The following SERPINE3 variants were observed in gnomAD, a reference collection of about 807,000 sequenced individuals.
SERPINE3 encodes the protein serpin family E member 3.
SERPINE3 carries 43 observed loss-of-function variants against 41.7 expected under a neutral mutation model. The ratio of observed to expected loss-of-function variants is 1.03; its 90% CI spans 0.81 to 1.33. The LOEUF (loss-of-function observed/expected upper bound fraction) is 1.33. SERPINE3 is among the 40% of genes most tolerant of loss of function. The pLI is 0.00. For missense variants in SERPINE3, 440 were observed against 491.7 expected (o/e 0.89, Z 0.99); for synonymous variants, 200 against 192.2 (o/e 1.04, Z -0.34).
chr13:51,345,563 C>T (rs1268023167), intron 4 of SERPINE3, among the ~76,000 whole-genome samples: 1 of 141,556 alleles, frequency 7.1e-6, no homozygotes, highest in Non-Finnish European at 1.5e-5. Flanking sequence ...TCACTGCACT[C>T]CAGCTTGGGC....
chr13:51,341,060 C>T lies in SERPINE3; in HGVS notation c.-17-15C>T. 1 of 1,605,942 alleles carries T rather than the reference C, an allele frequency of 6.2e-7. No homozygotes were observed. Among genetic ancestry groups the T allele is most frequent in the Non-Finnish European group, 8.5e-7 (1 of 1,175,240 alleles). On this transcript the variant is annotated splice_polypyrimidine_tract_variant and intron_variant, in intron 2 of 9. Coordinates refer to ENST00000681248, the MANE Select transcript of SERPINE3 (RefSeq NM_001386375.1). The stretch of plus-strand genomic sequence containing the variant: ...GCTTCCAGCCTACCCTGCATCTCTT[C>T]CCTCTGAATTGCAGGAACCCTCCCA...
chr13:51,348,848 G>GTCCCCCCATGACC (rs1439076333), intron 6 of SERPINE3, among the ~76,000 whole-genome samples: 14 of 150,402 alleles, frequency 9.3e-5, no homozygotes, highest in East Asian at 3.9e-4. Flanking sequence ...ACGTAATTGA[G>GTCCCCCCATGACC]CAAGTACAGA....
At chr13:51,357,673 C>A (rs151183359) in intron 7 of SERPINE3, among the ~76,000 whole-genome samples, 31 of 152,112 alleles carry the variant, frequency 2.0e-4, no homozygotes, top group African/African-American at 7.0e-4. Context: ...TAGTTCCCCC[C>A]CAGTCTCCTT....
intron 3 of SERPINE3, 52 bp downstream of exon 3, chr13:51,341,399 ACT>A (rs1406117438): frequency 2.1e-5 from 32 of 1,494,878 alleles, no homozygotes; most frequent in Non-Finnish European, 2.6e-5. Flanking sequence ...TCACACTCAC[ACT>A]CTCTCCAGCT....
intron 6 of SERPINE3, chr13:51,353,965 ATAAAATT>A (rs2137801410): frequency 6.6e-6 from 1 of 152,310 alleles, no homozygotes; most frequent in Admixed American, 6.5e-5. Flanking sequence ...CTGGGGAAAT[ATAAAATT>A]GGTGTAGTGA....
chr13:51,355,409 C>T (rs1026515578), intron 7 of SERPINE3, among the ~76,000 whole-genome samples: 5 of 152,102 alleles, frequency 3.3e-5, no homozygotes, highest in African/African-American at 1.2e-4. Context: ...AGTAAACAGA[C>T]CCTCCCTCTA....
At chr13:51,358,846 C>T (rs1006112293) in intron 7 of SERPINE3, among the ~76,000 whole-genome samples, 2 of 151,898 alleles carry the variant, frequency 1.3e-5, no homozygotes, top group African/African-American at 4.8e-5. Context: ...TAGGAGCAAG[C>T]GAGTTTATGG....
intron 7 of SERPINE3, among the ~76,000 whole-genome samples, chr13:51,358,063 C>A (rs945118864): frequency 6.6e-6 from 1 of 151,956 alleles, no homozygotes; most frequent in Non-Finnish European, 1.5e-5. Context: ...CTAGAGGAGA[C>A]AAATGGAGAA....
At position 51,361,842 on chromosome 13, in the gene SERPINE3, A is replaced by G. The variant is rs758968136; in HGVS notation, c.1120A>G (p.Ile374Val). 1 of 1,610,544 alleles carries G rather than the reference A, an allele frequency of 6.2e-7. No individual in the cohort carries two copies. Among genetic ancestry groups the G allele is most frequent in the Non-Finnish European group, 8.5e-7 (1 of 1,178,380 alleles). Residue 374 changes from isoleucine (I) to valine (V), a missense_variant, in exon 9 of 10, where the codon ATT (isoleucine) becomes GTT (valine). Ile to Val is a conservative substitution (Grantham distance 29). Coordinates refer to ENST00000681248, the MANE Select transcript of SERPINE3 (RefSeq NM_001386375.1). ...LLLLKRSRIP[I>V]FKADRPFIYF... ...GTTATTGAAAAGGTCTCGGATTCCT[A>G]TTTTTAAAGCAGATCGGCCATTCAT...
Position 51,345,991 on chromosome 13 carries a change from G to A in SERPINE3, c.491-1034G>A, listed in dbSNP as rs1299285568. ...TCCACATTGCATTGGGTAACTGGGT[G>A]GATGGTGGCTTCACCCCTCATAAGT... On this transcript the variant is annotated intron_variant, in intron 4 of 9. Coordinates refer to ENST00000681248, the MANE Select transcript of SERPINE3 (RefSeq NM_001386375.1). 2.6e-5 allele frequency among the ~76,000 whole-genome samples: 4 copies of A among 152,294 alleles called. 1 individual carries two copies. The East Asian group carries it at 7.7e-4, about 29-fold the overall frequency.
At chr13:51,360,799 A>G (rs1359188379) in intron 7 of SERPINE3, among the ~76,000 whole-genome samples, 1 of 152,064 alleles carries the variant, frequency 6.6e-6, no homozygotes, top group Non-Finnish European at 1.5e-5. Context: ...GTCATTTAAA[A>G]GTGGCTCTTA....
At chr13:51,359,278 CTG>C (rs1955525514) in intron 7 of SERPINE3, among the ~76,000 whole-genome samples, 2 of 152,158 alleles carry the variant, frequency 1.3e-5, no homozygotes, top group South Asian at 4.1e-4. Flanking sequence ...TAATAGGAAT[CTG>C]TAATACAAGA....
chr13:51,347,099 G>C lies in SERPINE3; in HGVS notation c.565G>C (p.Val189Leu), dbSNP rs201792563. Reference protein sequence around the residue: ...VSAAFAQLVLVSTMSFQGTWR... With the variant: ...VSAAFAQLVLLSTMSFQGTWR... ...TGCAGCATTTGCTCAGCTTGTGCTT[G>C]TGAGCACCATGTCCTTCCAAGGCAC... The change falls in exon 5 of 10, where the codon GTG (valine) becomes CTG (leucine). Residue 189 changes from valine (V) to leucine (L), a missense_variant. By Grantham distance (32) the Val-to-Leu change is conservative. Coordinates refer to ENST00000681248, the MANE Select transcript of SERPINE3 (RefSeq NM_001386375.1). The C allele has an allele frequency of 3.9e-5, 62 of 1,610,192 alleles. No individual in the cohort carries two copies. The African/African-American group carries it at 7.7e-4, about 20-fold the overall frequency.
intron 7 of SERPINE3, among the ~76,000 whole-genome samples, chr13:51,359,798 T>C (rs1219344573): frequency 6.6e-6 from 1 of 152,128 alleles, no homozygotes; most frequent in Non-Finnish European, 1.5e-5. Flanking sequence ...TAAAGCTCTT[T>C]GTAACTTTGG....
intron 6 of SERPINE3, among the ~76,000 whole-genome samples, chr13:51,351,487 TTGTC>T (rs1351543524): frequency 2.0e-5 from 3 of 152,128 alleles, no homozygotes; most frequent in African/African-American, 7.2e-5. Flanking sequence ...TTTAAATTGG[TTGTC>T]TTTTTATTAT....
chr13:51,361,803 C>A lies in SERPINE3; in HGVS notation c.1088-7C>A. 2 of 1,577,102 alleles carry A rather than the reference C, an allele frequency of 1.3e-6. No homozygotes were observed. Among genetic ancestry groups the A allele is most frequent in the Non-Finnish European group, 1.7e-6 (2 of 1,167,632 alleles). The stretch of plus-strand genomic sequence containing the variant: ...AATGCAATGGAATTTTTCTTTCTTT[C>A]CTGCAGCTCTGTTGTTATTGAAAAG... On this transcript the variant is annotated splice_polypyrimidine_tract_variant and splice_region_variant and intron_variant, in intron 8 of 9. Coordinates refer to ENST00000681248, the MANE Select transcript of SERPINE3 (RefSeq NM_001386375.1).
intron 6 of SERPINE3, among the ~76,000 whole-genome samples, chr13:51,350,513 T>C (rs997874733): frequency 2.0e-5 from 3 of 152,184 alleles, no homozygotes; most frequent in African/African-American, 7.2e-5. Flanking sequence ...AGATATAATA[T>C]ATATCTTCTT....
At chr13:51,342,933 C>T (rs1227790028) in intron 3 of SERPINE3, among the ~76,000 whole-genome samples, 1 of 152,132 alleles carries the variant, frequency 6.6e-6, no homozygotes, top group African/African-American at 2.4e-5. Flanking sequence ...CAGTCTTTTG[C>T]AATTGTGGAT....
rs1470791256 is a variant in SERPINE3, at chr13:51,362,477, AG to A, written c.1171+586del. On this transcript the variant is annotated intron_variant, in intron 9 of 9. Transcript: ENST00000681248. The stretch of plus-strand genomic sequence containing the variant: ...ATCAGAAGGACACACAAATATTCTT[AG>A]GCTTCGACAATATTGAACAAAGTCT... The A allele has an allele frequency of 2.0e-5, 3 of 152,746 alleles. No individual in the cohort carries two copies. In the Admixed American group the frequency reaches 2.0e-4, roughly 10 times the overall value. 9.5% of individuals were successfully genotyped at this position (152,746 alleles called of 1,614,324 possible).
Sources: gnomAD v4.1 joint callset for allele counts (sites outside exome capture counted in the v4.1 genomes callset) on GRCh38, gnomAD v4.1.1 for gene constraint, MANE v1.5 for transcripts, NCBI Gene and HGNC (gene_info 2026-07-23, HGNC 2026-07-21) for gene names.